MDGA2: variants seen among roughly 807,000 people sequenced by gnomAD.
MDGA2 encodes MAM domain containing glycosylphosphatidylinositol anchor 2.
A neutral mutation model predicts 117.8 loss-of-function variants in MDGA2; 40 were observed. That is an observed-to-expected ratio of 0.34 (90% confidence interval 0.26 to 0.44). MDGA2 has a LOEUF of 0.44. Among genes scored for constraint, MDGA2 ranks in the 20% least tolerant of loss-of-function variants. MDGA2 has a pLI of 1.00. For synonymous variants in MDGA2, 452 were observed against 439.0 expected (o/e 1.03, Z -0.37); for missense variants, 1,123 against 1,250.6 (o/e 0.90, Z 1.54).
At chr14:47,670,684 G>A (rs190201937) in intron 1 of MDGA2, among the ~76,000 whole-genome samples, 1 of 152,108 alleles carries the variant, frequency 6.6e-6, no homozygotes, top group South Asian at 2.1e-4. Flanking sequence ...TAAATCTAAT[G>A]AAATGTGAGT....
chr14:46,955,379 AC>A lies in MDGA2; in HGVS notation c.2089+1994del, dbSNP rs1231487726. On this transcript the variant is annotated intron_variant, in intron 9 of 16. Coordinates refer to ENST00000399232, the MANE Select transcript of MDGA2 (RefSeq NM_001113498.3). ...ATGAAGCTCACTTAAACCTCATAAA[AC>A]TGCTATGACTTCACCATTAAAATAC... 5.3e-5 allele frequency among the ~76,000 whole-genome samples: 8 copies of A among 152,192 alleles called. No individual in the cohort carries two copies. The East Asian group carries it at 1.5e-3, about 29-fold the overall frequency.
intron 2 of MDGA2, among the ~76,000 whole-genome samples, chr14:47,239,276 T>C (rs1886964903): frequency 6.6e-6 from 1 of 151,452 alleles, no homozygotes; most frequent in Non-Finnish European, 1.5e-5. Context: ...ACAAATTCTG[T>C]CACATTGCTT....
intron 1 of MDGA2, among the ~76,000 whole-genome samples, chr14:47,493,343 C>T (rs1403379333): frequency 6.7e-6 from 1 of 150,272 alleles, no homozygotes; most frequent in Non-Finnish European, 1.5e-5. Flanking sequence ...TGAGACAAGG[C>T]CTCACTCTGT....
chr14:46,890,016 A>C (rs1276694293), intron 10 of MDGA2, among the ~76,000 whole-genome samples: 2 of 152,016 alleles, frequency 1.3e-5, no homozygotes, highest in African/African-American at 4.8e-5. Flanking sequence ...ATGCTAAAAT[A>C]ATCCTCTTTA....
intron 2 of MDGA2, among the ~76,000 whole-genome samples, chr14:47,248,941 TCCTC>T (rs960514460): frequency 1.5e-4 from 22 of 150,032 alleles, no homozygotes; most frequent in South Asian, 6.5e-4. Flanking sequence ...TTCCCTCCCT[TCCTC>T]CCTCCCTCCC....
chr14:47,378,521 A>C (rs374398667), intron 1 of MDGA2, among the ~76,000 whole-genome samples: 2 of 152,200 alleles, frequency 1.3e-5, no homozygotes, highest in East Asian at 3.9e-4. Context: ...GAAGAGCTTA[A>C]ATGACCTGAT....
intron 8 of MDGA2, among the ~76,000 whole-genome samples, chr14:46,966,409 A>T (rs2138305951): frequency 6.6e-6 from 1 of 152,312 alleles, no homozygotes; most frequent in East Asian, 1.9e-4. Flanking sequence ...GGTTATTTAA[A>T]GTTATCAATT....
intron 1 of MDGA2, among the ~76,000 whole-genome samples, chr14:47,539,007 TGGA>T (rs1895282258): frequency 6.6e-6 from 1 of 152,158 alleles, no homozygotes; most frequent in African/African-American, 2.4e-5. Flanking sequence ...CGGTAGATAG[TGGA>T]GAAGTCTGCT....
intron 8 of MDGA2, chr14:46,997,177 A>G (rs1320781537): frequency 1.2e-5 from 2 of 165,984 alleles, no homozygotes; most frequent in Non-Finnish European, 2.6e-5. Context: ...AAATCTATAG[A>G]CACAAATAAC....
chr14:47,129,291 T>C (rs1013040357), intron 5 of MDGA2, among the ~76,000 whole-genome samples: 3 of 150,378 alleles, frequency 2.0e-5, no homozygotes, highest in Non-Finnish European at 4.4e-5. Context: ...CCTTCCTGTG[T>C]CCATGTGATC....
At chr14:47,105,935 C>T (rs1880641998) in intron 5 of MDGA2, among the ~76,000 whole-genome samples, 1 of 144,458 alleles carries the variant, frequency 6.9e-6, no homozygotes, top group South Asian at 2.3e-4. Flanking sequence ...ACCTCCCCTC[C>T]TCACACCTGG....
intron 8 of MDGA2, among the ~76,000 whole-genome samples, chr14:47,019,613 G>A (rs1429937182): frequency 6.6e-6 from 1 of 152,142 alleles, no homozygotes; most frequent in East Asian, 1.9e-4. Context: ...GAAGGCCGAG[G>A]CGGGCGGATC....
At chr14:47,034,934 T>A in intron 8 of MDGA2, 77 bp downstream of exon 8, 1 of 1,319,842 alleles carries the variant, frequency 7.6e-7, no homozygotes, top group Non-Finnish European at 1.0e-6. Flanking sequence ...AAAAATCACC[T>A]CATATTAATA....
chr14:47,508,690 G>GTTT (rs1032223185), intron 1 of MDGA2, among the ~76,000 whole-genome samples: 3 of 151,816 alleles, frequency 2.0e-5, no homozygotes. Flanking sequence ...TTGTTTGTTT[G>GTTT]TTTTTTTGAG....
At chr14:47,060,070 A>T (rs555457826) in intron 7 of MDGA2, among the ~76,000 whole-genome samples, 3 of 151,970 alleles carry the variant, frequency 2.0e-5, no homozygotes, top group Non-Finnish European at 4.4e-5. Context: ...GCTAGCACCA[A>T]CGTTTAAATA....
chr14:47,089,041 G>C (rs1891012588), intron 6 of MDGA2, among the ~76,000 whole-genome samples: 2 of 152,064 alleles, frequency 1.3e-5, no homozygotes, highest in Admixed American at 1.3e-4. Context: ...ATTTGGGAAA[G>C]AAAACAATGT....
chr14:47,267,807 G>A (rs951876456), intron 2 of MDGA2, among the ~76,000 whole-genome samples: 3 of 151,888 alleles, frequency 2.0e-5, no homozygotes, highest in African/African-American at 7.3e-5. Flanking sequence ...TTAATAATTT[G>A]ATTTATTTTT....
chr14:47,659,324 T>C (rs912982748), intron 1 of MDGA2, among the ~76,000 whole-genome samples: 3 of 152,208 alleles, frequency 2.0e-5, no homozygotes, highest in Non-Finnish European at 4.4e-5. Flanking sequence ...CTTTCATTAC[T>C]ACTGTGAAAA....
intron 1 of MDGA2, among the ~76,000 whole-genome samples, chr14:47,530,028 A>G (rs1458558539): frequency 6.6e-6 from 1 of 152,230 alleles, no homozygotes; most frequent in African/African-American, 2.4e-5. Context: ...TGCCAGAATG[A>G]GCCAACAGTG....
Sources: gnomAD v4.1 joint callset for allele counts (sites outside exome capture counted in the v4.1 genomes callset) on GRCh38, gnomAD v4.1.1 for gene constraint, MANE v1.5 for transcripts, NCBI Gene and HGNC (gene_info 2026-07-23, HGNC 2026-07-21) for gene names.